Variants in CATSPERD observed in about 807,000 individuals in gnomAD.
The protein encoded by CATSPERD is cation channel sperm-associated auxiliary subunit delta.
In CATSPERD, 86 loss-of-function variants were observed where a neutral mutation model predicts 98.1. The observed-to-expected ratio is 0.88, with a 90% CI of 0.74 to 1.05. The LOEUF is 1.05. CATSPERD is among the 50% of genes least tolerant of loss of function. CATSPERD has a pLI of 0.00. For missense variants in CATSPERD, 995 were observed against 1,005.7 expected (o/e 0.99, Z 0.14); for synonymous variants, 394 against 390.2 (o/e 1.01, Z -0.12).
intron 18 of CATSPERD, among the ~76,000 whole-genome samples, chr19:5,768,491 C>A (rs1188838998): frequency 3.3e-5 from 5 of 151,984 alleles, no homozygotes; most frequent in African/African-American, 1.2e-4. Context: ...TTCCCGCCAC[C>A]AGGCACGGCT....
chr19:5,743,642 G>GTC (rs1282642117), intron 7 of CATSPERD, among the ~76,000 whole-genome samples: 9 of 115,278 alleles, frequency 7.8e-5, no homozygotes, highest in African/African-American at 2.1e-4. Context: ...TAGTCTCTCT[G>GTC]TCTCTGTCTC....
In CATSPERD at chr19:5,744,432, A is replaced by G. The variant is rs769634088; in HGVS notation, c.579A>G (p.Glu193=). Residue 193 remains glutamate, a synonymous_variant, in exon 8 of 22, where the codon GAA becomes GAG. Coordinates refer to ENST00000381624, the MANE Select transcript of CATSPERD (RefSeq NM_152784.4). The part of the protein sequence containing the change: ...FWKYHYDRQA[E]IIGSLGGIFH... The stretch of plus-strand genomic sequence containing the variant: ...CTTTTCTGTTTGTTTCATAGGCAGA[A>G]ATCATTGGGTCTTTAGGCGGAATCT... 6.2e-7 allele frequency: 1 copy of G among 1,611,032 alleles called. No individual in the cohort carries two copies. The highest frequency in any genetic ancestry group is 1.7e-5 in the Admixed American group (1 of 59,748).
At chr19:5,759,276 C>T (rs2056388456) in intron 15 of CATSPERD, 132 bp downstream of exon 15, 3 of 878,604 alleles carry the variant, frequency 3.4e-6, no homozygotes, top group Admixed American at 1.9e-5. Context: ...CAACACTTTA[C>T]AAGAGCTGGG....
Position 5,749,114 on chromosome 19 carries a change from G to A in CATSPERD, c.918G>A (p.Leu306=). The A allele has an allele frequency of 2.5e-6, 4 of 1,612,036 alleles. No homozygotes were observed. The highest frequency in any genetic ancestry group is 2.5e-6 in the Non-Finnish European group (3 of 1,179,184). Residue 306 remains leucine (L), a synonymous_variant, in exon 11 of 22, where the codon CTG becomes CTA. Coordinates refer to ENST00000381624, the MANE Select transcript of CATSPERD (RefSeq NM_152784.4). The part of the protein sequence containing the change: ...IHNIAVTENE[L]AVITREDNLY... ...TGTTTTTCCCAGCTGAAAATGAACTGGCAGTTATAACTCGGGAGGATAATT... is the reference window on the plus strand; with the variant it reads ...TGTTTTTCCCAGCTGAAAATGAACTAGCAGTTATAACTCGGGAGGATAATT...
intron 3 of CATSPERD, among the ~76,000 whole-genome samples, chr19:5,728,473 T>C (rs2055652666): frequency 6.6e-6 from 1 of 152,026 alleles, no homozygotes; most frequent in East Asian, 1.9e-4. Context: ...GAGGTTTACT[T>C]GAGCACAGGA....
chr19:5,758,923 CAAAAAAAAAAAA>C (rs1002375684), intron 14 of CATSPERD, among the ~76,000 whole-genome samples, 151 bp from the exon 15 acceptor site: 1 of 39,496 alleles, frequency 2.5e-5, no homozygotes, highest in Non-Finnish European at 5.3e-5. Context: ...GACTCCATCT[CAAAAAAAAAAAA>C]AAAAAAAAAA....
chr19:5,721,069 G>T (rs2055457094), intron 1 of CATSPERD, among the ~76,000 whole-genome samples: 1 of 151,232 alleles, frequency 6.6e-6, no homozygotes, highest in Admixed American at 6.6e-5. Context: ...CGCGATCTCG[G>T]CTCACTGCAA....
At chr19:5,778,058 T>C (rs1008887233) in intron 21 of CATSPERD, among the ~76,000 whole-genome samples, 1 of 151,228 alleles carries the variant, frequency 6.6e-6, no homozygotes, top group Non-Finnish European at 1.5e-5. Flanking sequence ...ATACAAAAAT[T>C]AGCCAGGCAT....
chr19:5,778,162 G>A (rs750325708), intron 21 of CATSPERD, among the ~76,000 whole-genome samples: 1 of 149,524 alleles, frequency 6.7e-6, no homozygotes, highest in East Asian at 2.0e-4. Flanking sequence ...AGCCGAGATC[G>A]TGCCACTGCA....
At chr19:5,746,545 C>T (rs1290325408) in intron 9 of CATSPERD, among the ~76,000 whole-genome samples, 3 of 152,088 alleles carry the variant, frequency 2.0e-5, no homozygotes, top group Admixed American at 1.3e-4. Flanking sequence ...TCTCTGGCTT[C>T]AGCCTCCCTA....
rs145825237 is a variant in CATSPERD, at chr19:5,723,788, T to G, written c.72-1020T>G. Among the ~76,000 whole-genome samples the G allele has an allele frequency of 3.0e-3, 453 of 149,598 alleles. 3 individuals are homozygous for G. The highest frequency in any genetic ancestry group is 0.021 in the East Asian group (107 of 5,002). On this transcript the variant is annotated intron_variant, in intron 1 of 21. Coordinates refer to ENST00000381624, the MANE Select transcript of CATSPERD (RefSeq NM_152784.4). ...CCTGTTTTGTTTTGTTTTTGTTTTT[T>G]TTTTTGAGATGGAGTTTCACTCTTG...
chr19:5,732,457 G>C (rs531224268), intron 4 of CATSPERD, among the ~76,000 whole-genome samples: 1 of 129,020 alleles, frequency 7.8e-6, no homozygotes, highest in South Asian at 2.4e-4. Flanking sequence ...TTTTGAGACG[G>C]AGTCTCACTC....
chr19:5,763,306 TC>T lies in CATSPERD; in HGVS notation c.1506+14del, dbSNP rs2056478397. On this transcript the variant is annotated intron_variant, in intron 16 of 21. Coordinates refer to ENST00000381624, the MANE Select transcript of CATSPERD (RefSeq NM_152784.4). ...TATCAAGCCACTGGTAGGTCCCAAA[TC>T]TTTGCTGTCCCATATTCGGTGTCAT... 1 of 1,606,850 alleles carries T rather than the reference TC, an allele frequency of 6.2e-7. No individual in the cohort carries two copies. Among genetic ancestry groups the T allele is most frequent in the Non-Finnish European group, 8.5e-7 (1 of 1,173,410 alleles).
chr19:5,720,946 C>T (rs2055450336), intron 1 of CATSPERD, 138 bp downstream of exon 1: 2 of 641,008 alleles, frequency 3.1e-6, no homozygotes, highest in Non-Finnish European at 2.7e-6. Flanking sequence ...CTTGACGCCT[C>T]GCTCACCCTA....
At chr19:5,734,893 G>C (rs1188124662) in intron 5 of CATSPERD, among the ~76,000 whole-genome samples, 1 of 152,036 alleles carries the variant, frequency 6.6e-6, no homozygotes, top group African/African-American at 2.4e-5. Flanking sequence ...ACCAGTAGAT[G>C]TCTGGTAACC....
At position 5,748,180 on chromosome 19, in the gene CATSPERD, C is replaced by A; in HGVS notation, c.829C>A (p.Arg277=). ...CCTAGGTCAGCTCGTCGACACCGTC[C>A]GGGTGAAAAAAGGAGACCAGACCTT... The part of the protein sequence containing the change: ...HNAGQLVDTV[R]VKKGDQTLFS... Residue 277 remains arginine (R), a synonymous_variant, in exon 10 of 22, where the codon CGG becomes AGG. Coordinates refer to ENST00000381624, the MANE Select transcript of CATSPERD (RefSeq NM_152784.4). The A allele has an allele frequency of 6.2e-7, 1 of 1,613,718 alleles. No individual in the cohort carries two copies. The highest frequency in any genetic ancestry group is 8.5e-7 in the Non-Finnish European group (1 of 1,179,880).
intron 11 of CATSPERD, among the ~76,000 whole-genome samples, chr19:5,750,702 T>A (rs35488633): frequency 0.029 from 4,456 of 151,680 alleles, 83 homozygotes; most frequent in South Asian, 0.059. Context: ...GCCACTGCAC[T>A]CCAGCCTGGG....
chr19:5,722,011 C>A (rs1444137482), intron 1 of CATSPERD, among the ~76,000 whole-genome samples: 1 of 151,560 alleles, frequency 6.6e-6, no homozygotes, highest in Non-Finnish European at 1.5e-5. Context: ...GAGATGGGGT[C>A]TCACTGTTTT....
intron 4 of CATSPERD, among the ~76,000 whole-genome samples, chr19:5,731,560 G>GTTTTTTTTTCTTTT (rs2055719043): frequency 1.3e-5 from 1 of 75,724 alleles, no homozygotes; most frequent in Non-Finnish European, 2.4e-5. Context: ...ACACTTAACA[G>GTTTTTTTTTCTTTT]TTTTTTTTTT....
Sources: allele counts gnomAD v4.1 joint callset (sites outside exome capture counted in the v4.1 genomes callset), GRCh38; gene constraint gnomAD v4.1.1; transcripts MANE v1.5; gene names NCBI Gene and HGNC (gene_info 2026-07-23, HGNC 2026-07-21).